STON2: variants seen among roughly 807,000 people sequenced by gnomAD.
STON2 encodes stonin-2.
Under a neutral mutation model 65.7 loss-of-function variants are expected in STON2, and 29 were observed. The ratio of observed to expected loss-of-function variants is 0.44; its 90% CI spans 0.33 to 0.60. The LOEUF is 0.60. STON2 is among the 20% of genes least tolerant of loss of function. The pLI, the probability that STON2 is intolerant of heterozygous loss-of-function variation, is 0.03. For missense variants in STON2, 1,054 were observed against 1,118.1 expected (o/e 0.94, Z 0.82); for synonymous variants, 404 against 414.2 (o/e 0.98, Z 0.30).
intron 3 of STON2, among the ~76,000 whole-genome samples, chr14:81,377,728 G>C (rs1899319139): frequency 6.6e-6 from 1 of 152,068 alleles, no homozygotes; most frequent in South Asian, 2.1e-4. Flanking sequence ...GCAGTGAAAG[G>C]ATCATTTTAA....
At chr14:81,335,586 C>G (rs1197307213) in intron 4 of STON2, among the ~76,000 whole-genome samples, 3 of 152,126 alleles carry the variant, frequency 2.0e-5, no homozygotes, top group Non-Finnish European at 4.4e-5. Flanking sequence ...AGTCACACAC[C>G]TACAAGGGAG....
At position 81,277,659 on chromosome 14, in the gene STON2, TC is replaced by T. The variant is rs1320989773; in HGVS notation, c.1822del (p.Asp608IlefsTer9). The T allele has an allele frequency of 6.2e-7, 1 of 1,614,182 alleles. No homozygotes were observed. The highest frequency in any genetic ancestry group is 1.7e-5 in the Admixed American group (1 of 60,022). ...CAAGTCCATTGACAACACTGGCAGA[TC>T]CATGAGACGGTCCTGAACTGCATGG... ...FIHAVQDRLMDLPVLSMDLST... is the reference protein window; with the variant it reads ...FIHAVQDRLMXLPVLSMDLST... On this transcript the variant is annotated frameshift_variant, in exon 6 of 8. Coordinates refer to ENST00000614646, the MANE Select transcript of STON2 (RefSeq NM_001394390.1). LOFTEE classifies it high-confidence loss of function.
chr14:81,426,090 C>T (rs1469206463), intron 2 of STON2, among the ~76,000 whole-genome samples: 3 of 152,186 alleles, frequency 2.0e-5, no homozygotes, highest in Non-Finnish European at 4.4e-5. Flanking sequence ...ACTTACTGAG[C>T]CCTCACACCT....
intron 2 of STON2, 47 bp downstream of exon 2, chr14:81,398,248 G>T (rs748760772): frequency 1.5e-6 from 2 of 1,362,734 alleles, no homozygotes; most frequent in African/African-American, 2.9e-5. Context: ...AAATAGACAT[G>T]GTTCTTTGAC....
intron 2 of STON2, among the ~76,000 whole-genome samples, chr14:81,414,997 G>A (rs1901356322): frequency 6.6e-6 from 1 of 152,040 alleles, no homozygotes; most frequent in East Asian, 1.9e-4. Context: ...TAAGGGCTCT[G>A]GGAACAAAGT....
Position 81,278,650 on chromosome 14 carries a change from C to A in STON2, c.832G>T (p.Ala278Ser), listed in dbSNP as rs775824695. Reference protein sequence around the residue: ...ASSPAMNGHPAPPVTSARFPS... With the variant: ...ASSPAMNGHPSPPVTSARFPS... Reference sequence around the variant, plus strand: ...AAACGAGCAGAGGTCACTGGAGGGGCAGGGTGCCCATTCATGGCTGGACTG... The same window carrying A: ...AAACGAGCAGAGGTCACTGGAGGGGAAGGGTGCCCATTCATGGCTGGACTG... The change falls in exon 6 of 8, where the codon GCC becomes TCC. Residue 278 changes from alanine (A) to serine (S), a missense_variant. Transcript: ENST00000614646. 4.5e-6 allele frequency: 7 copies of A among 1,559,842 alleles called. No homozygotes were observed. The African/African-American group carries it at 8.2e-5, about 18-fold the overall frequency.
At chr14:81,398,217 T>G (rs1900420889) in intron 2 of STON2, 78 bp downstream of exon 2, 5 of 997,966 alleles carry the variant, frequency 5.0e-6, no homozygotes, top group Non-Finnish European at 7.4e-6. Context: ...ACCCAAAGAA[T>G]AATCAAGTAG....
chr14:81,427,699 A>G (rs1319791911), intron 1 of STON2, among the ~76,000 whole-genome samples: 1 of 152,040 alleles, frequency 6.6e-6, no homozygotes, highest in East Asian at 1.9e-4. Flanking sequence ...TAACAAAAAG[A>G]ATAAGGATGA....
chr14:81,355,074 T>C (rs1195051614), intron 4 of STON2, among the ~76,000 whole-genome samples: 2 of 151,252 alleles, frequency 1.3e-5, no homozygotes, highest in Non-Finnish European at 2.9e-5. Flanking sequence ...ACAGAACATT[T>C]GAAATTATCC....
chr14:81,313,523 G>C (rs534816546), intron 5 of STON2, among the ~76,000 whole-genome samples: 9 of 151,510 alleles, frequency 5.9e-5, no homozygotes, highest in Middle Eastern at 3.2e-3. Flanking sequence ...AGGCAGGCGT[G>C]GTGGCTCATG....
chr14:81,299,169 G>C (rs989787985), intron 5 of STON2, among the ~76,000 whole-genome samples: 1 of 152,220 alleles, frequency 6.6e-6, no homozygotes, highest in African/African-American at 2.4e-5. Flanking sequence ...GCCTGGGCTT[G>C]TCTTAGGCAA....
In STON2 at chr14:81,267,368, T is replaced by C; in HGVS notation, c.*1046A>G. On this transcript the variant is annotated 3_prime_UTR_variant, in exon 8 of 8. Transcript: ENST00000614646. ...ACTGTGATTATCAAACTCTGAATTT[T>C]GGGGGAAAGCTCATTCAAGCTTAAT... 1.0e-6 allele frequency: 1 copy of C among 985,382 alleles called. No individual in the cohort carries two copies. Among genetic ancestry groups the C allele is most frequent in the Non-Finnish European group, 1.2e-6 (1 of 829,930 alleles). 61.0% of individuals were successfully genotyped at this position (985,382 alleles called of 1,614,324 possible).
intron 2 of STON2, among the ~76,000 whole-genome samples, chr14:81,405,608 T>C (rs1270790149): frequency 2.6e-5 from 4 of 151,684 alleles, no homozygotes; most frequent in African/African-American, 9.7e-5. Flanking sequence ...AGAGTGCTGA[T>C]GTTTGTTCCA....
At chr14:81,420,298 G>C (rs1369610579) in intron 2 of STON2, among the ~76,000 whole-genome samples, 2 of 152,186 alleles carry the variant, frequency 1.3e-5, no homozygotes, top group African/African-American at 2.4e-5. Context: ...ATCAATGCTG[G>C]TATGCAATGT....
At chr14:81,406,281 C>T (rs1467233180) in intron 2 of STON2, among the ~76,000 whole-genome samples, 1 of 152,144 alleles carries the variant, frequency 6.6e-6, no homozygotes, top group Non-Finnish European at 1.5e-5. Context: ...AATTCTGTCC[C>T]TTTAGAGAAC....
chr14:81,403,535 T>C (rs867120129), upstream of STON2, among the ~76,000 whole-genome samples: 1 of 152,146 alleles, frequency 6.6e-6, no homozygotes. Flanking sequence ...CTTGAATACA[T>C]GCAAGAGTGG....
At chr14:81,311,367 T>A (rs756010317) in intron 5 of STON2, among the ~76,000 whole-genome samples, 1 of 152,092 alleles carries the variant, frequency 6.6e-6, no homozygotes, top group Non-Finnish European at 1.5e-5. Flanking sequence ...ACCCCTGATG[T>A]TGAGAAGCAC....
chr14:81,423,762 GT>G (rs1332752597), intron 2 of STON2, among the ~76,000 whole-genome samples: 3 of 152,132 alleles, frequency 2.0e-5, no homozygotes, highest in Non-Finnish European at 4.4e-5. Flanking sequence ...TGTTATCCTT[GT>G]GAACCAGGCC....
At chr14:81,392,470 C>T (rs1900125246) in intron 3 of STON2, among the ~76,000 whole-genome samples, 1 of 152,144 alleles carries the variant, frequency 6.6e-6, no homozygotes, top group African/African-American at 2.4e-5. Flanking sequence ...ATTTTCATGG[C>T]TGTGGGATGG....
Sources: gnomAD v4.1 joint callset for allele counts (sites outside exome capture counted in the v4.1 genomes callset) on GRCh38, gnomAD v4.1.1 for gene constraint, MANE v1.5 for transcripts, NCBI Gene and HGNC (gene_info 2026-07-23, HGNC 2026-07-21) for gene names.